The following VAV2 variants were observed in gnomAD, a reference collection of about 807,000 sequenced individuals.
VAV2 encodes the protein vav guanine nucleotide exchange factor 2.
VAV2 carries 67 observed loss-of-function variants against 132.5 expected under a neutral mutation model. That is an observed-to-expected ratio of 0.51 (90% confidence interval 0.42 to 0.62). The LOEUF is 0.62. Among genes scored for constraint, VAV2 ranks in the 20% least tolerant of loss-of-function variants. The probability of loss-of-function intolerance (pLI) is 0.00; values close to 1 mark genes in which losing one functional copy is unlikely to be tolerated. For synonymous variants in VAV2, 492 were observed against 443.5 expected (o/e 1.11, Z -1.37); for missense variants, 938 against 1,153.6 (o/e 0.81, Z 2.71).
At chr9:133,876,937 G>A (rs1249083628) in intron 2 of VAV2, among the ~76,000 whole-genome samples, 3 of 152,156 alleles carry the variant, frequency 2.0e-5, no homozygotes, top group African/African-American at 7.2e-5. Flanking sequence ...TGGACGCACA[G>A]TGGCCAGCTA....
rs115157771 is a variant in VAV2, at chr9:133,814,631, G to A, written c.450-2415C>T. 8.1e-3 allele frequency among the ~76,000 whole-genome samples: 1,235 copies of A among 152,362 alleles called. 16 individuals are homozygous for A. Among genetic ancestry groups the A allele is most frequent in the African/African-American group, 0.028 (1,156 of 41,586 alleles). Reference sequence around the variant, plus strand: ...CATGGATCAAAAACGGCTGCAAGCCGGACCTGGACAGGGGCCTGGAGATCG... The same window carrying A: ...CATGGATCAAAAACGGCTGCAAGCCAGACCTGGACAGGGGCCTGGAGATCG... On this transcript the variant is annotated intron_variant, in intron 4 of 29. Transcript: ENST00000371850.
rs552368622 is a variant in VAV2, at chr9:133,959,564, C to T, written c.205-20345G>A. ...ACCAAGCACCCCGTGACCGTCTGGACGGAAGAAAGAGTAAGCAGTGCAGAG... is the reference window on the plus strand; with the variant it reads ...ACCAAGCACCCCGTGACCGTCTGGATGGAAGAAAGAGTAAGCAGTGCAGAG... On this transcript the variant is annotated intron_variant, in intron 1 of 29. Coordinates refer to ENST00000371850, the MANE Select transcript of VAV2 (RefSeq NM_001134398.2). 6.4e-4 allele frequency among the ~76,000 whole-genome samples: 97 copies of T among 152,306 alleles called. No individual in the cohort carries two copies. The South Asian group carries it at 8.3e-3, about 13-fold the overall frequency.
rs1836008799 is a variant in VAV2, at chr9:133,826,862, T to G, written c.449+7410A>C. 6.6e-6 allele frequency among the ~76,000 whole-genome samples: 1 copy of G among 152,138 alleles called. No homozygotes were observed. The highest frequency in any genetic ancestry group is 1.5e-5 in the Non-Finnish European group (1 of 68,012). On this transcript the variant is annotated intron_variant, in intron 4 of 29. Transcript: ENST00000371850. This position sits in a 1 kb window ranked among gnomAD's most constrained non-coding sequence, Gnocchi z 4.2. ...CTGCTGGGGACTGGGGTGTGCAGCC[T>G]ACTTCACAGACAGGCAAGGGCAACC...
In VAV2 at chr9:133,879,642, G is replaced by A. The variant is rs1372287019; in HGVS notation, c.322-18210C>T. On this transcript the variant is annotated intron_variant, in intron 2 of 29. Transcript: ENST00000371850. This position sits in a 1 kb window ranked among gnomAD's most constrained non-coding sequence, Gnocchi z 4.4. ...CAAATGCAAATCTAAGCAACAAGCC[G>A]CACACACCAGGACGAACAGCACTGC... Among the ~76,000 whole-genome samples, 3 of 151,944 alleles carry A rather than the reference G, an allele frequency of 2.0e-5. No individual in the cohort carries two copies. The highest frequency in any genetic ancestry group is 2.1e-4 in the South Asian group (1 of 4,822).
At chr9:133,798,316 C>G (rs182204545) in intron 9 of VAV2, among the ~76,000 whole-genome samples, 1 of 152,188 alleles carries the variant, frequency 6.6e-6, no homozygotes, top group Non-Finnish European at 1.5e-5. Context: ...CTGGATTCCA[C>G]AAGCAGGGGA....
chr9:133,774,810 C>T, intron 25 of VAV2, 125 bp downstream of exon 25: 2 of 851,440 alleles, frequency 2.3e-6, no homozygotes, highest in Non-Finnish European at 1.9e-6. Context: ...CAATAATGTC[C>T]TCACTTGGCA....
chr9:133,913,377 G>A (rs1839949685), intron 2 of VAV2, among the ~76,000 whole-genome samples: 1 of 152,196 alleles, frequency 6.6e-6, no homozygotes, highest in Non-Finnish European at 1.5e-5. Flanking sequence ...GCACAGAAGG[G>A]ACCTCACTAC....
At chr9:133,955,142 GAA>G (rs1274417135) in intron 1 of VAV2, among the ~76,000 whole-genome samples, 9 of 151,978 alleles carry the variant, frequency 5.9e-5, no homozygotes, top group Non-Finnish European at 1.3e-4. Context: ...AAGGGTACAG[GAA>G]GGGCAGAACC....
chr9:133,807,227 TGGCATGA>T, intron 8 of VAV2, 24 bp downstream of exon 8: 1 of 1,602,602 alleles, frequency 6.2e-7, no homozygotes, highest in Non-Finnish European at 8.5e-7. Flanking sequence ...GCCCCGAGCC[TGGCATGA>T]GCGATGGGGG....
intron 1 of VAV2, among the ~76,000 whole-genome samples, chr9:133,990,630 GCCA>G (rs1842986021): frequency 6.6e-6 from 1 of 152,214 alleles, no homozygotes; most frequent in Non-Finnish European, 1.5e-5. Flanking sequence ...ATCAAAGGCA[GCCA>G]CCTTGGTTCG....
chr9:133,866,110 G>A (rs536081761), intron 2 of VAV2, among the ~76,000 whole-genome samples: 14 of 152,210 alleles, frequency 9.2e-5, no homozygotes, highest in African/African-American at 2.6e-4. Flanking sequence ...TGCAACCCCC[G>A]CTGTTAGGGC....
intron 19 of VAV2, 145 bp from the exon 20 acceptor site, chr9:133,780,855 G>T: frequency 1.1e-6 from 1 of 915,040 alleles, no homozygotes; most frequent in South Asian, 5.8e-5. Flanking sequence ...TTTGGACATG[G>T]ATCATGGACA....
At chr9:133,948,765 C>T (rs564807106) in intron 1 of VAV2, among the ~76,000 whole-genome samples, 9 of 152,386 alleles carry the variant, frequency 5.9e-5, no homozygotes, top group South Asian at 2.1e-4. Flanking sequence ...CCGTGCCTGG[C>T]GCAGCACGAA....
At chr9:133,904,668 C>T (rs570497914) in intron 2 of VAV2, among the ~76,000 whole-genome samples, 33 of 152,368 alleles carry the variant, frequency 2.2e-4, no homozygotes, top group African/African-American at 6.3e-4. Flanking sequence ...CAACCGGCCA[C>T]GGGGCCGTCG....
rs1838420168 is a variant in VAV2, at chr9:133,879,896, G to A, written c.322-18464C>T. The stretch of plus-strand genomic sequence containing the variant: ...ATTTGCTTCCAAGCGGTTTTACCTT[G>A]ATGACTGCTTAATCCTGGCCCATCA... On this transcript the variant is annotated intron_variant, in intron 2 of 29. Transcript: ENST00000371850. The surrounding 1 kb of genome is among the most constrained non-coding windows in gnomAD (Gnocchi z 4.4). Among the ~76,000 whole-genome samples, 1 of 152,218 alleles carries A rather than the reference G, an allele frequency of 6.6e-6. No homozygotes were observed. Among genetic ancestry groups the A allele is most frequent in the African/African-American group, 2.4e-5 (1 of 41,466 alleles).
intron 3 of VAV2, among the ~76,000 whole-genome samples, chr9:133,839,451 GT>G (rs765088441): frequency 1.4e-3 from 194 of 140,412 alleles, no homozygotes; most frequent in South Asian, 5.8e-3. Flanking sequence ...ATACGAGGAA[GT>G]TTTTTTTTTT....
At chr9:133,911,263 T>C (rs1357130514) in intron 2 of VAV2, among the ~76,000 whole-genome samples, 1 of 152,216 alleles carries the variant, frequency 6.6e-6, no homozygotes, top group African/African-American at 2.4e-5. Flanking sequence ...CCCTTCGCCC[T>C]GGAGCGTGCT....
intron 2 of VAV2, among the ~76,000 whole-genome samples, chr9:133,901,377 A>G (rs561692609): frequency 4.9e-4 from 74 of 152,300 alleles, no homozygotes; most frequent in African/African-American, 1.7e-3. Flanking sequence ...AGGCAGAGTA[A>G]AGATGGCTGC....
At position 133,763,958 on chromosome 9, in the gene VAV2, G is replaced by A; in HGVS notation, c.*104C>T. 3 of 1,367,876 alleles carry A rather than the reference G, an allele frequency of 2.2e-6. No homozygotes were observed. The highest frequency in any genetic ancestry group is 3.1e-6 in the Non-Finnish European group (3 of 961,364). 84.7% of individuals were successfully genotyped at this position (1,367,876 alleles called of 1,614,324 possible). A position where few individuals can be genotyped will look rare whatever the true frequency, so the allele number is the denominator to read the frequency against. ...ATCCCTGTGGGCAGTGGAAGACTGG[G>A]AGGTTGGTATTTCCCCTCTGAGTCA... On this transcript the variant is annotated 3_prime_UTR_variant, in exon 30 of 30. Coordinates refer to ENST00000371850, the MANE Select transcript of VAV2 (RefSeq NM_001134398.2). This position sits in a 1 kb window ranked among gnomAD's most constrained non-coding sequence, Gnocchi z 6.8.
Sources: allele counts gnomAD v4.1 joint callset (sites outside exome capture counted in the v4.1 genomes callset), GRCh38; gene constraint gnomAD v4.1.1; non-coding constraint Gnocchi (gnomAD v3.1); transcripts MANE v1.5; gene names NCBI Gene and HGNC (gene_info 2026-07-23, HGNC 2026-07-21).